Variants in ME2 observed in about 807,000 individuals in gnomAD.
ME2 encodes NAD-dependent malic enzyme, mitochondrial.
ME2 carries 60 observed loss-of-function variants against 73.7 expected under a neutral mutation model. The ratio of observed to expected loss-of-function variants is 0.81; its 90% CI spans 0.66 to 1.01. ME2 has a LOEUF of 1.01. Ranked by LOEUF, ME2 falls within the 50% of genes least tolerant of loss-of-function variation. The probability of loss-of-function intolerance (pLI) is 0.00; values close to 1 mark genes in which losing one functional copy is unlikely to be tolerated. For missense variants in ME2, 594 were observed against 705.5 expected (o/e 0.84, Z 1.79); for synonymous variants, 199 against 236.9 (o/e 0.84, Z 1.47).
Position 50,951,854 on chromosome 18 carries a change from G to T in ME2, c.*4670G>T, listed in dbSNP as rs1183373090. On this transcript the variant is annotated 3_prime_UTR_variant, in exon 16 of 16. Transcript: ENST00000321341. ...TGCACTCCAGCCTGGGCGACAGAGTGAGCCTCCATCTCAAAAAAAAAAAAA... is the reference window on the plus strand; with the variant it reads ...TGCACTCCAGCCTGGGCGACAGAGTTAGCCTCCATCTCAAAAAAAAAAAAA... 8.2e-6 allele frequency: 1 copy of T among 121,248 alleles called. No homozygotes were observed. Among genetic ancestry groups the T allele is most frequent in the African/African-American group, 3.4e-5 (1 of 29,118 alleles). 7.5% of individuals were successfully genotyped at this position (121,248 alleles called of 1,614,324 possible).
At chr18:50,929,819 G>A (rs923133393) in intron 12 of ME2, among the ~76,000 whole-genome samples, 1 of 151,986 alleles carries the variant, frequency 6.6e-6, no homozygotes, top group East Asian at 1.9e-4. Flanking sequence ...TGACTCTTGG[G>A]TAAATATATT....
chr18:50,922,557 T>C (rs764314031), intron 10 of ME2, among the ~76,000 whole-genome samples: 1 of 152,222 alleles, frequency 6.6e-6, no homozygotes. Flanking sequence ...TGGTACTTCT[T>C]TTTGTAATGT....
At chr18:50,925,704 T>C (rs1481238039) in intron 11 of ME2, 52 bp from the exon 12 acceptor site, 8 of 1,504,934 alleles carry the variant, frequency 5.3e-6, no homozygotes, top group Non-Finnish European at 7.4e-6. Context: ...TTGATAAGCA[T>C]TGCTTTTATA....
At position 50,927,721 on chromosome 18, in the gene ME2, CATATATATATATATATA is replaced by C. The variant is rs1287796884; in HGVS notation, c.1314+1824_1314+1840del. ...CATCTCAAAAAAAACCCCAAAAAACCATATATATATATATATATATATATATATATACACACCACAGT... is the reference window on the plus strand; with the variant it reads ...CATCTCAAAAAAAACCCCAAAAAACCTATATATATATATACACACCACAGT... On this transcript the variant is annotated intron_variant, in intron 12 of 15. Coordinates refer to ENST00000321341, the MANE Select transcript of ME2 (RefSeq NM_002396.5). Among the ~76,000 whole-genome samples the C allele has an allele frequency of 1.1e-4, 9 of 85,450 alleles. No homozygotes were observed. In the East Asian group the frequency reaches 2.9e-3, roughly 27 times the overall value. 56.1% of individuals were successfully genotyped at this position (85,450 alleles called of 152,430 possible).
chr18:50,895,991 A>G lies in ME2; in HGVS notation c.108+63A>G, dbSNP rs60951258. On this transcript the variant is annotated intron_variant, in intron 2 of 15. Coordinates refer to ENST00000321341, the MANE Select transcript of ME2 (RefSeq NM_002396.5). ...CTTATTAAAGTTTGATATATTTAAG[A>G]CTGATAAGGTGTGACATATTTTTGT... 3.8e-3 allele frequency: 4,213 copies of G among 1,122,386 alleles called. 101 individuals are homozygous for G. The East Asian group carries it at 0.054, about 14-fold the overall frequency. The allele number at this position is 1,122,386 out of a possible 1,614,324, so 69.5% of individuals were successfully genotyped here.
In ME2 at chr18:50,920,773, C is replaced by T; in HGVS notation, c.942+15C>T. ...GAGCAGGAGAGGTAAGTTTTGAAGG[C>T]TTTTTGAAACTTAAGCCTATCCTCT... On this transcript the variant is annotated intron_variant, in intron 9 of 15. Coordinates refer to ENST00000321341, the MANE Select transcript of ME2 (RefSeq NM_002396.5). 6.4e-7 allele frequency: 1 copy of T among 1,552,414 alleles called. No individual in the cohort carries two copies. Among genetic ancestry groups the T allele is most frequent in the Non-Finnish European group, 8.8e-7 (1 of 1,137,772 alleles).
At chr18:50,934,819 G>T (rs552972991) in intron 13 of ME2, 1 of 152,216 alleles carries the variant, frequency 6.6e-6, no homozygotes, top group South Asian at 2.1e-4. Flanking sequence ...CTTTAAAAGG[G>T]TCAAAGGGAT....
intron 2 of ME2, among the ~76,000 whole-genome samples, chr18:50,903,346 C>T (rs1916935557): frequency 6.6e-6 from 1 of 152,192 alleles, no homozygotes; most frequent in Non-Finnish European, 1.5e-5. Context: ...TTTTACTCTG[C>T]ATTATAAATA....
intron 12 of ME2, among the ~76,000 whole-genome samples, chr18:50,930,735 T>G (rs1917671759): frequency 6.6e-6 from 1 of 152,204 alleles, no homozygotes; most frequent in African/African-American, 2.4e-5. Flanking sequence ...CTTATAAGAC[T>G]ATTAAAATTA....
chr18:50,911,951 G>A (rs1283386396), intron 3 of ME2, among the ~76,000 whole-genome samples: 1 of 152,166 alleles, frequency 6.6e-6, no homozygotes, highest in Non-Finnish European at 1.5e-5. Context: ...AATCAGCTGA[G>A]AAATGATGGT....
At chr18:50,889,016 A>G (rs191731434) in intron 1 of ME2, among the ~76,000 whole-genome samples, 2 of 152,094 alleles carry the variant, frequency 1.3e-5, no homozygotes, top group Non-Finnish European at 2.9e-5. Context: ...TATACTAGAA[A>G]CATTCCAGTT....
Position 50,953,927 on chromosome 18 carries a change from T to G in ME2, c.*6743T>G, listed in dbSNP as rs1000359320. ...TGAAATTAAAACCGTACTTTTGCAGTTGATATTTTTGTGTTCCCTTTGTTA... is the reference window on the plus strand; with the variant it reads ...TGAAATTAAAACCGTACTTTTGCAGGTGATATTTTTGTGTTCCCTTTGTTA... On this transcript the variant is annotated 3_prime_UTR_variant, in exon 16 of 16. Transcript: ENST00000321341. 15 of 152,242 alleles carry G rather than the reference T, an allele frequency of 9.9e-5. No individual in the cohort carries two copies. The highest frequency in any genetic ancestry group is 3.6e-4 in the African/African-American group (15 of 41,476). 9.4% of individuals were successfully genotyped at this position (152,242 alleles called of 1,614,324 possible). A position where few individuals can be genotyped will look rare whatever the true frequency, so the allele number is the denominator to read the frequency against.
At position 50,895,841 on chromosome 18, in the gene ME2, A is replaced by G; in HGVS notation, c.21A>G (p.Val7=). ...AAAAGATGTTGTCCCGGTTAAGAGT[A>G]GTTTCCACCACTTGTACTTTGGCAT... MLSRLR[V]VSTTCTLACR... The change falls in exon 2 of 16, where the codon GTA becomes GTG. Residue 7 remains valine (V), a synonymous_variant. Coordinates refer to ENST00000321341, the MANE Select transcript of ME2 (RefSeq NM_002396.5). 6.2e-7 allele frequency: 1 copy of G among 1,612,822 alleles called. No individual in the cohort carries two copies.
In ME2 at chr18:50,947,661, A is replaced by G. The variant is rs1043347153; in HGVS notation, c.*477A>G. 3 of 152,788 alleles carry G rather than the reference A, an allele frequency of 2.0e-5. No individual in the cohort carries two copies. Among genetic ancestry groups the G allele is most frequent in the Non-Finnish European group, 2.9e-5 (2 of 68,482 alleles). The allele number at this position is 152,788 out of a possible 1,614,324, so 9.5% of individuals were successfully genotyped here. A position where few individuals can be genotyped will look rare whatever the true frequency, so the allele number is the denominator to read the frequency against. ...TGTCATTATCTAAAAATGTTCTTAT[A>G]TATCTGCTTCATCTTACCTTCATAC... On this transcript the variant is annotated 3_prime_UTR_variant, in exon 16 of 16. Coordinates refer to ENST00000321341, the MANE Select transcript of ME2 (RefSeq NM_002396.5).
intron 12 of ME2, among the ~76,000 whole-genome samples, chr18:50,928,155 T>G (rs893591216): frequency 6.6e-6 from 1 of 151,500 alleles, no homozygotes; most frequent in Non-Finnish European, 1.5e-5. Flanking sequence ...TAAAATTTTC[T>G]GATGGTAACA....
intron 1 of ME2, among the ~76,000 whole-genome samples, chr18:50,881,510 A>G (rs1358288813): frequency 6.6e-6 from 1 of 152,242 alleles, no homozygotes; most frequent in African/African-American, 2.4e-5. Context: ...ATGGTGGCAT[A>G]TTGTACCTCC....
In ME2 at chr18:50,928,382, T is replaced by C. The variant is rs112207005; in HGVS notation, c.1314+2484T>C. On this transcript the variant is annotated intron_variant, in intron 12 of 15. Coordinates refer to ENST00000321341, the MANE Select transcript of ME2 (RefSeq NM_002396.5). ...TGCCTCAGCCTCCCGAGTAGCTGGG[T>C]GCCCGCCACCATGCCCGGCTAATTT... 5.1e-3 allele frequency among the ~76,000 whole-genome samples: 776 copies of C among 151,330 alleles called. 10 individuals carry two copies. The East Asian group carries it at 0.066, about 13-fold the overall frequency.
intron 1 of ME2, among the ~76,000 whole-genome samples, chr18:50,893,202 T>C (rs1381887428): frequency 1.4e-5 from 2 of 146,102 alleles, no homozygotes; most frequent in African/African-American, 2.6e-5. Context: ...AGCATAAATA[T>C]ACAGAATAAT....
At chr18:50,919,819 C>A (rs1599109805) in intron 7 of ME2, among the ~76,000 whole-genome samples, 2 of 152,022 alleles carry the variant, frequency 1.3e-5, no homozygotes, top group East Asian at 1.9e-4. Flanking sequence ...ATTTAGCATT[C>A]GAGATCCTCC....
Sources: gnomAD v4.1 joint callset for allele counts (sites outside exome capture counted in the v4.1 genomes callset) on GRCh38, gnomAD v4.1.1 for gene constraint, MANE v1.5 for transcripts, NCBI Gene and HGNC (gene_info 2026-07-23, HGNC 2026-07-21) for gene names.